BNC2: variants seen among roughly 807,000 people sequenced by gnomAD.
The protein encoded by BNC2 is zinc finger protein basonuclin-2.
A neutral mutation model predicts 76.3 loss-of-function variants in BNC2; 20 were observed. The observed-to-expected ratio is 0.26, with a 90% confidence interval of 0.18 to 0.38. The LOEUF (loss-of-function observed/expected upper bound fraction) is 0.38, where lower values mean the gene tolerates loss of function less well. Among genes scored for constraint, BNC2 ranks in the 10% least tolerant of loss-of-function variants. The pLI is 1.00. For synonymous variants in BNC2, 582 were observed against 514.8 expected (o/e 1.13, Z -1.77); for missense variants, 1,382 against 1,399.8 (o/e 0.99, Z 0.20).
At chr9:16,644,736 A>T (rs186876703) in intron 3 of BNC2, among the ~76,000 whole-genome samples, 1 of 152,352 alleles carries the variant, frequency 6.6e-6, no homozygotes, top group African/African-American at 2.4e-5. Flanking sequence ...TAAGTAGCAC[A>T]TATCAAACAT....
intron 4 of BNC2, 88 bp from the exon 5 acceptor site, chr9:16,552,853 T>G (rs1302652116): frequency 8.5e-6 from 9 of 1,060,196 alleles, no homozygotes; most frequent in Non-Finnish European, 1.3e-5. Context: ...TTGCTGGAAG[T>G]TACCAGGGCT....
At chr9:16,833,985 A>T (rs1818643692) in intron 1 of BNC2, among the ~76,000 whole-genome samples, 1 of 152,106 alleles carries the variant, frequency 6.6e-6, no homozygotes, top group African/African-American at 2.4e-5. Context: ...TGCAATACTC[A>T]GCACCCTCTA....
At chr9:16,617,278 T>C (rs1365903988) in intron 3 of BNC2, among the ~76,000 whole-genome samples, 2 of 152,292 alleles carry the variant, frequency 1.3e-5, no homozygotes, top group East Asian at 3.9e-4. Flanking sequence ...TATATCTTCT[T>C]AGCCACATGT....
intron 4 of BNC2, among the ~76,000 whole-genome samples, chr9:16,564,185 G>C (rs943345764): frequency 2.6e-5 from 4 of 152,214 alleles, no homozygotes; most frequent in Non-Finnish European, 5.9e-5. Flanking sequence ...TCTAGGGCCA[G>C]AGTCTAATCC....
chr9:16,545,133 T>C (rs935093185), intron 5 of BNC2, among the ~76,000 whole-genome samples: 13 of 152,210 alleles, frequency 8.5e-5, no homozygotes, highest in Non-Finnish European at 1.9e-4. Flanking sequence ...TACATACATA[T>C]ATACGTGTGT....
intron 5 of BNC2, among the ~76,000 whole-genome samples, chr9:16,505,399 C>A (rs755122623): frequency 3.9e-5 from 6 of 152,106 alleles, no homozygotes; most frequent in Non-Finnish European, 8.8e-5. Context: ...TAAGGCAGGG[C>A]CAGGCACCAA....
intron 1 of BNC2, among the ~76,000 whole-genome samples, chr9:16,851,406 T>C (rs570533802): frequency 3.3e-5 from 5 of 151,868 alleles, no homozygotes; most frequent in Admixed American, 3.3e-4. Flanking sequence ...CTCAGGAGGC[T>C]GAGGCAGTAG....
At chr9:16,550,791 C>T (rs1474358737) in intron 5 of BNC2, among the ~76,000 whole-genome samples, 1 of 152,148 alleles carries the variant, frequency 6.6e-6, no homozygotes, top group Non-Finnish European at 1.5e-5. Flanking sequence ...TGGGGCAAAA[C>T]ACTTGTTGGT....
rs962560876 is a variant in BNC2 at position 16,761,736 on chromosome 9, G to C, written c.4-23251C>G. Among the ~76,000 whole-genome samples, 5 of 152,156 alleles carry C rather than the reference G, an allele frequency of 3.3e-5. No homozygotes were observed. In the East Asian group the frequency reaches 7.7e-4, roughly 24 times the overall value. On this transcript the variant is annotated intron_variant, in intron 1 of 6. Coordinates refer to ENST00000380672, the MANE Select transcript of BNC2 (RefSeq NM_017637.6). ...TTATTCAGTACTCATAATTATTCCAGGGCTCCCTTAAATAATATTTTTGAT... is the reference window on the plus strand; with the variant it reads ...TTATTCAGTACTCATAATTATTCCACGGCTCCCTTAAATAATATTTTTGAT...
At chr9:16,485,004 T>C (rs1441794593) in intron 5 of BNC2, among the ~76,000 whole-genome samples, 1 of 152,112 alleles carries the variant, frequency 6.6e-6, no homozygotes, top group African/African-American at 2.4e-5. Context: ...TTACAACCAC[T>C]GTACAAGAAG....
intron 3 of BNC2, among the ~76,000 whole-genome samples, chr9:16,700,832 T>A (rs2134567772): frequency 6.6e-6 from 1 of 152,240 alleles, no homozygotes; most frequent in East Asian, 1.9e-4. Context: ...CTGAGCGTGG[T>A]GGCACACACC....
chr9:16,711,424 A>T (rs535131195), intron 3 of BNC2, among the ~76,000 whole-genome samples: 148 of 152,334 alleles, frequency 9.7e-4, no homozygotes, highest in African/African-American at 3.0e-3. Flanking sequence ...ATCCACTTAA[A>T]AAGTTTTTGA....
chr9:16,437,215 A>G lies in BNC2; in HGVS notation c.979T>C (p.Tyr327His). ...NSLAFLLPFQ[Y>H]INPVSAPLLG... ...AGTGGTGCTGAGACAGGGTTTATGT[A>G]CTGGAATGGAAGCAGAAATGCAAGG... is the stretch of plus-strand genomic sequence containing the variant. Residue 327 changes from tyrosine to histidine, a missense_variant, in exon 6 of 7, where the codon TAC becomes CAC. Physicochemically the swap from Tyr to His is moderately conservative, Grantham distance 83. This residue lies in a region of BNC2 where 557 missense variants were observed against 540.9 expected (regional missense o/e 1.03). Transcript: ENST00000380672. 1 of 1,614,142 alleles carries G rather than the reference A, an allele frequency of 6.2e-7. No homozygotes were observed. The highest frequency in any genetic ancestry group is 8.5e-7 in the Non-Finnish European group (1 of 1,180,016).
chr9:16,598,696 C>T (rs1820161365), intron 3 of BNC2, among the ~76,000 whole-genome samples: 1 of 152,174 alleles, frequency 6.6e-6, no homozygotes, highest in Non-Finnish European at 1.5e-5. Flanking sequence ...ATGTTCCCCT[C>T]CACCATTCTC....
At chr9:16,658,958 C>G (rs140594386) in intron 3 of BNC2, among the ~76,000 whole-genome samples, 27 of 152,284 alleles carry the variant, frequency 1.8e-4, no homozygotes, top group African/African-American at 6.5e-4. Context: ...AAATACATTA[C>G]GCCGATACAC....
At chr9:16,799,669 C>T (rs1438455992) in intron 1 of BNC2, among the ~76,000 whole-genome samples, 1 of 152,068 alleles carries the variant, frequency 6.6e-6, no homozygotes, top group African/African-American at 2.4e-5. Flanking sequence ...TCAAATTTCC[C>T]CAGTAAAATC....
intron 3 of BNC2, among the ~76,000 whole-genome samples, chr9:16,583,778 G>C (rs1563850217): frequency 6.6e-6 from 1 of 152,074 alleles, no homozygotes; most frequent in African/African-American, 2.4e-5. Context: ...TTTCAGATCA[G>C]ACATGGAACA....
chr9:16,665,604 G>A (rs1161641665), intron 3 of BNC2, among the ~76,000 whole-genome samples: 1 of 152,148 alleles, frequency 6.6e-6, no homozygotes, highest in Non-Finnish European at 1.5e-5. Context: ...TACTAAGCAT[G>A]AAAGTGTGTT....
chr9:16,663,319 G>C (rs906189210), intron 3 of BNC2, among the ~76,000 whole-genome samples: 3 of 151,804 alleles, frequency 2.0e-5, no homozygotes, highest in Non-Finnish European at 4.4e-5. Flanking sequence ...TTTTAGTAGA[G>C]ACAGGGTTTC....
Sources: gnomAD v4.1 joint callset for allele counts (sites outside exome capture counted in the v4.1 genomes callset) on GRCh38, gnomAD v4.1.1 for gene constraint, gnomAD v4.1.1 regional missense constraint, MANE v1.5 for transcripts, NCBI Gene and HGNC (gene_info 2026-07-23, HGNC 2026-07-21) for gene names.